The following TOPBP1 variants were observed in gnomAD, a reference collection of about 807,000 sequenced individuals.
TOPBP1 encodes the protein DNA topoisomerase 2-binding protein 1.
In TOPBP1, 28 loss-of-function variants were observed where a neutral mutation model predicts 167.7. That is an observed-to-expected ratio of 0.17 (90% CI 0.12 to 0.23). The LOEUF is 0.23. TOPBP1 is among the 10% of genes least tolerant of loss of function. The pLI is 1.00. For synonymous variants in TOPBP1, 598 were observed against 611.4 expected, an observed-to-expected ratio of 0.98 and a Z score of 0.32; for missense variants, 1,554 against 1,809.6, an observed-to-expected ratio of 0.86 and a Z score of 2.56.
In TOPBP1 at chr3:133,658,666, G is replaced by A. The variant is rs117635435; in HGVS notation, c.219+350C>T. 9.9e-5 allele frequency among the ~76,000 whole-genome samples: 15 copies of A among 151,940 alleles called. No individual in the cohort carries two copies. In the East Asian group the frequency reaches 1.9e-3, roughly 20 times the overall value. ...TCTACTAAAAATAAAAAAATCAGCC[G>A]GGTGTGTATATACATCTGTAATCCC... On this transcript the variant is annotated intron_variant, in intron 3 of 27. Transcript: ENST00000260810.
At chr3:133,648,685 T>TG in intron 10 of TOPBP1, among the ~76,000 whole-genome samples, 1 of 152,058 alleles carries the variant, frequency 6.6e-6, no homozygotes, top group Non-Finnish European at 1.5e-5. Context: ...TAATCCCAGC[T>TG]ACTTGGGAGG....
Position 133,649,496 on chromosome 3 carries a change from A to G in TOPBP1, c.1391T>C (p.Leu464Pro), listed in dbSNP as rs139175445. The G allele has an allele frequency of 5.9e-5, 96 of 1,613,954 alleles. No homozygotes were observed. The Admixed American group carries it at 1.3e-3, about 23-fold the overall frequency. The change falls in exon 10 of 28, where the codon CTT becomes CCT. Residue 464 changes from leucine (L) to proline (P), a missense_variant. Leu to Pro is a moderately conservative substitution (Grantham distance 98). Transcript: ENST00000260810. ...VSHKPESKAALLKKKNSSFSK... is the reference protein window; with the variant it reads ...VSHKPESKAAPLKKKNSSFSK... ...GAAGCTGCTGTTCTTCTTTTTTAAA[A>G]GAGCTGCTTTACTTTCAGGCTTATG...
chr3:133,601,485 A>G (rs1053354545), intron 27 of TOPBP1, 92 bp from the exon 28 acceptor site: 1 of 1,044,094 alleles, frequency 9.6e-7, no homozygotes, highest in Non-Finnish European at 1.3e-6. Context: ...CAGACCTCTC[A>G]GGGATGAATC....
chr3:133,657,752 GAGAT>G (rs779884778), intron 4 of TOPBP1, 42 bp downstream of exon 4: 1 of 1,407,546 alleles, frequency 7.1e-7, no homozygotes, highest in Non-Finnish European at 9.4e-7. Flanking sequence ...TTAAGAATAA[GAGAT>G]AGATATATAA....
intron 8 of TOPBP1, 105 bp from the exon 9 acceptor site, chr3:133,650,048 T>A: frequency 1.0e-6 from 1 of 971,424 alleles, no homozygotes; most frequent in Non-Finnish European, 1.4e-6. Context: ...ACAACTTGTG[T>A]ACATTTAAGA....
chr3:133,617,353 G>T, intron 21 of TOPBP1, 27 bp from the exon 22 acceptor site: 1 of 1,565,538 alleles, frequency 6.4e-7, no homozygotes. Context: ...GCTGCAGTGT[G>T]ACAGGATCCA....
chr3:133,655,859 A>G (rs1936461925), intron 5 of TOPBP1, among the ~76,000 whole-genome samples: 1 of 152,172 alleles, frequency 6.6e-6, no homozygotes, highest in Admixed American at 6.5e-5. Flanking sequence ...ATTATTCTAT[A>G]CAAGTAAAAG....
At chr3:133,606,585 T>G (rs909182549) in intron 27 of TOPBP1, among the ~76,000 whole-genome samples, 50 of 151,304 alleles carry the variant, frequency 3.3e-4, no homozygotes, top group African/African-American at 1.0e-3. Context: ...TAAATAACCT[T>G]GAAAAAGACA....
In TOPBP1 at chr3:133,652,579, C is replaced by T. The variant is rs199552139; in HGVS notation, c.973G>A (p.Val325Ile). The part of the protein sequence containing the change: ...SNISNINASC[V>I]SESICNSLNS... Reference sequence around the variant, plus strand: ...AGTGAATTACATATTGATTCACTTACGCAACTTGCATTTATGTTGGAAATA... The same window carrying T: ...AGTGAATTACATATTGATTCACTTATGCAACTTGCATTTATGTTGGAAATA... The change falls in exon 8 of 28, where the codon GTA becomes ATA. Residue 325 changes from valine (V) to isoleucine (I), a missense_variant. Physicochemically the swap from Val to Ile is conservative, Grantham distance 29. Coordinates refer to ENST00000260810, the MANE Select transcript of TOPBP1 (RefSeq NM_007027.4). 254 of 1,611,276 alleles carry T rather than the reference C, an allele frequency of 1.6e-4. No individual in the cohort carries two copies. Among genetic ancestry groups the T allele is most frequent in the Non-Finnish European group, 1.9e-4 (229 of 1,179,600 alleles).
At chr3:133,631,155 C>A (rs139407854) in intron 14 of TOPBP1, among the ~76,000 whole-genome samples, 1 of 152,332 alleles carries the variant, frequency 6.6e-6, no homozygotes, top group Non-Finnish European at 1.5e-5. Context: ...TGCCACTGAA[C>A]TCCAGCCTAA....
intron 19 of TOPBP1, among the ~76,000 whole-genome samples, chr3:133,621,643 C>G (rs1345972274): frequency 2.0e-5 from 3 of 152,174 alleles, no homozygotes; most frequent in Non-Finnish European, 4.4e-5. Context: ...CTCGGAACCA[C>G]TGCCACATGG....
intron 10 of TOPBP1, among the ~76,000 whole-genome samples, chr3:133,644,966 C>T (rs1194482458): frequency 1.3e-5 from 2 of 152,190 alleles, no homozygotes; most frequent in African/African-American, 4.8e-5. Context: ...AACTGTGAGG[C>T]TGATACTATC....
intron 14 of TOPBP1, among the ~76,000 whole-genome samples, chr3:133,637,345 GA>G (rs1298759096): frequency 1.3e-5 from 2 of 152,132 alleles, no homozygotes; most frequent in Non-Finnish European, 2.9e-5. Flanking sequence ...TTCAGAAAGG[GA>G]GCCATACTAC....
chr3:133,620,987 G>C (rs1372839308), intron 19 of TOPBP1, among the ~76,000 whole-genome samples: 1 of 152,034 alleles, frequency 6.6e-6, no homozygotes, highest in Non-Finnish European at 1.5e-5. Flanking sequence ...ATAGTCATTT[G>C]TGTATGTGTC....
At chr3:133,618,854 A>C (rs1037401022) in intron 20 of TOPBP1, among the ~76,000 whole-genome samples, 1 of 152,128 alleles carries the variant, frequency 6.6e-6, no homozygotes, top group Non-Finnish European at 1.5e-5. Flanking sequence ...AATTACTTGA[A>C]ATTATAAGCA....
At position 133,661,855 on chromosome 3, in the gene TOPBP1, G is replaced by T. The variant is rs982067256; in HGVS notation, c.-94C>A. ...GGCTGGGGTCGGGCGCCAGCCCGGC[G>T]CACAGCCCCCTCCCCCGACTCGGCG... On this transcript the variant is annotated 5_prime_UTR_variant, in exon 1 of 28. Coordinates refer to ENST00000260810, the MANE Select transcript of TOPBP1 (RefSeq NM_007027.4). 3.3e-5 allele frequency: 5 copies of T among 152,268 alleles called. No homozygotes were observed. Among genetic ancestry groups the T allele is most frequent in the Non-Finnish European group, 7.3e-5 (5 of 68,056 alleles). The allele number at this position is 152,268 out of a possible 1,614,324, so 9.4% of individuals were successfully genotyped here.
intron 11 of TOPBP1, 133 bp from the exon 12 acceptor site, chr3:133,643,505 C>T (rs1463746667): frequency 1.7e-5 from 11 of 642,674 alleles, no homozygotes; most frequent in Non-Finnish European, 2.6e-5. Flanking sequence ...TGTGTATGCT[C>T]ATTCTCAATA....
Position 133,616,797 on chromosome 3 carries a change from A to G in TOPBP1, c.3871+17T>C. On this transcript the variant is annotated intron_variant, in intron 23 of 27. Transcript: ENST00000260810. ...TTATTATATGGGACATTTTGGATTTAAGTAAAATACTGGTACCTAGTTTCT... is the reference window on the plus strand; with the variant it reads ...TTATTATATGGGACATTTTGGATTTGAGTAAAATACTGGTACCTAGTTTCT... 1 of 1,414,434 alleles carries G rather than the reference A, an allele frequency of 7.1e-7. No individual in the cohort carries two copies. The highest frequency in any genetic ancestry group is 9.5e-7 in the Non-Finnish European group (1 of 1,058,012). The allele number at this position is 1,414,434 out of a possible 1,614,324, so 87.6% of individuals were successfully genotyped here.
chr3:133,618,127 G>C (rs1260066349), intron 21 of TOPBP1, 86 bp downstream of exon 21: 2 of 1,182,046 alleles, frequency 1.7e-6, no homozygotes, highest in South Asian at 2.7e-5. Flanking sequence ...ATTCAGATCA[G>C]AGAACTACAA....
Sources: allele counts gnomAD v4.1 joint callset (sites outside exome capture counted in the v4.1 genomes callset), GRCh38; gene constraint gnomAD v4.1.1; transcripts MANE v1.5; gene names NCBI Gene and HGNC (gene_info 2026-07-23, HGNC 2026-07-21).